Variants in SNAPC1 observed in about 807,000 individuals in gnomAD.
SNAPC1 encodes snRNA-activating protein complex subunit 1.
Under a neutral mutation model 50.1 loss-of-function variants are expected in SNAPC1, and 42 were observed. The ratio of observed to expected loss-of-function variants is 0.84; its 90% CI spans 0.65 to 1.08. The LOEUF (loss-of-function observed/expected upper bound fraction) is 1.08. Ranked by LOEUF, SNAPC1 falls within the 50% of genes least tolerant of loss-of-function variation. The pLI is 0.00. For synonymous variants in SNAPC1, 164 were observed against 144.2 expected (o/e 1.14, Z -0.98); for missense variants, 477 against 427.3 (o/e 1.12, Z -1.02).
chr14:61,762,724 G>T, intron 1 of SNAPC1, 136 bp downstream of exon 1: 1 of 950,728 alleles, frequency 1.1e-6, no homozygotes. Flanking sequence ...ATGACTCCTG[G>T]ACCTTCCCCT....
intron 8 of SNAPC1, among the ~76,000 whole-genome samples, chr14:61,785,038 G>A (rs2045105454): frequency 6.6e-6 from 1 of 152,102 alleles, no homozygotes; most frequent in Non-Finnish European, 1.5e-5. Context: ...AGGTGACCAA[G>A]GCAAAATTAT....
intron 3 of SNAPC1, among the ~76,000 whole-genome samples, chr14:61,767,567 G>T (rs1446833431): frequency 6.8e-6 from 1 of 147,798 alleles, no homozygotes; most frequent in Non-Finnish European, 1.5e-5. Context: ...GGGTTCGAGG[G>T]ATTTTCCTGC....
intron 7 of SNAPC1, among the ~76,000 whole-genome samples, chr14:61,780,679 G>A (rs576462037): frequency 6.6e-6 from 1 of 152,284 alleles, no homozygotes; most frequent in South Asian, 2.1e-4. Context: ...AAGCTCTGTA[G>A]TTTAATTAGG....
intron 4 of SNAPC1, among the ~76,000 whole-genome samples, chr14:61,775,687 A>G (rs1003839086): frequency 6.6e-6 from 1 of 152,240 alleles, no homozygotes; most frequent in Non-Finnish European, 1.5e-5. Flanking sequence ...AGCAGAGCAT[A>G]AAGGACTATG....
intron 1 of SNAPC1, among the ~76,000 whole-genome samples, chr14:61,763,219 C>CT (rs1445118579): frequency 7.4e-6 from 1 of 134,504 alleles, no homozygotes; most frequent in African/African-American, 3.0e-5. Context: ...CCTCGAACTC[C>CT]TGATCTCGTG....
At chr14:61,782,171 C>A in intron 7 of SNAPC1, 76 bp from the exon 8 acceptor site, 1 of 1,096,784 alleles carries the variant, frequency 9.1e-7, no homozygotes, top group Non-Finnish European at 1.3e-6. Context: ...TTTGATTGTA[C>A]ATTTTGTCTT....
chr14:61,780,694 A>G (rs1170923699), intron 7 of SNAPC1, among the ~76,000 whole-genome samples: 2 of 152,082 alleles, frequency 1.3e-5, no homozygotes, highest in African/African-American at 4.8e-5. Flanking sequence ...ATTAGGTCTC[A>G]CTTTTCAATT....
Position 61,782,245 on chromosome 14 carries a change from A to C in SNAPC1, c.826-2A>C, listed in dbSNP as rs2045080529. The C allele has an allele frequency of 6.3e-7, 1 of 1,584,460 alleles. No individual in the cohort carries two copies. Among genetic ancestry groups the C allele is most frequent in the Non-Finnish European group, 8.6e-7 (1 of 1,169,152 alleles). The stretch of plus-strand genomic sequence containing the variant: ...TTGGTTAATTGGATTGTAACTCTTA[A>C]GGCATCCAAATCAAGAAGGCATCGT... On this transcript the variant is annotated splice_acceptor_variant, in intron 7 of 9. Transcript: ENST00000216294. LOFTEE classifies it high-confidence loss of function.
chr14:61,771,501 A>T (rs2044991270), intron 4 of SNAPC1, among the ~76,000 whole-genome samples: 1 of 152,232 alleles, frequency 6.6e-6, no homozygotes, highest in South Asian at 2.1e-4. Flanking sequence ...CTAGCAGCTT[A>T]GTGAGAAAGA....
Position 61,792,892 on chromosome 14 carries a change from G to C in SNAPC1, c.1062G>C (p.Leu354Phe), listed in dbSNP as rs946868665. The change falls in exon 9 of 10, where the codon TTG becomes TTC. Residue 354 changes from leucine to phenylalanine, a missense_variant. By Grantham distance (22) the Leu-to-Phe change is conservative. Coordinates refer to ENST00000216294, the MANE Select transcript of SNAPC1 (RefSeq NM_003082.4). ...VITEEEENES[L>F]SGTEFTASKK... is the part of the protein sequence containing the mutation. ...CAGAAGAAGAAGAGAATGAAAGTTT[G>C]AGTGGAACAGGTACAGATAAAATTT... 1 of 1,591,556 alleles carries C rather than the reference G, an allele frequency of 6.3e-7. No individual in the cohort carries two copies. The highest frequency in any genetic ancestry group is 1.3e-5 in the African/African-American group (1 of 74,314).
intron 8 of SNAPC1, among the ~76,000 whole-genome samples, chr14:61,785,652 G>A (rs1594651012): frequency 1.3e-5 from 2 of 152,308 alleles, no homozygotes; most frequent in Non-Finnish European, 2.9e-5. Flanking sequence ...ATCAATATGT[G>A]TAAGTCGTAC....
At chr14:61,778,186 A>T in intron 6 of SNAPC1, 46 bp downstream of exon 6, 2 of 1,108,442 alleles carry the variant, frequency 1.8e-6, no homozygotes, top group Middle Eastern at 4.0e-4. Context: ...GTGATTCTGT[A>T]TACTGAGCAT....
chr14:61,794,595 A>G (rs896085721), intron 9 of SNAPC1, among the ~76,000 whole-genome samples: 1 of 152,086 alleles, frequency 6.6e-6, no homozygotes, highest in Non-Finnish European at 1.5e-5. Flanking sequence ...ATTTTAGTAG[A>G]GATGGGGTTT....
At chr14:61,767,103 A>G (rs1163530821) in intron 2 of SNAPC1, 68 bp downstream of exon 2, 12 of 1,108,894 alleles carry the variant, frequency 1.1e-5, no homozygotes, top group Non-Finnish European at 1.3e-5. Flanking sequence ...TATAATAAAT[A>G]TTATATGATT....
chr14:61,783,245 G>C (rs367653898), intron 8 of SNAPC1, among the ~76,000 whole-genome samples: 1 of 151,592 alleles, frequency 6.6e-6, no homozygotes, highest in East Asian at 2.0e-4. Flanking sequence ...TGGCCAGGCC[G>C]GTCTTGGACT....
intron 8 of SNAPC1, among the ~76,000 whole-genome samples, chr14:61,784,311 A>G (rs917105755): frequency 2.0e-5 from 3 of 152,214 alleles, no homozygotes; most frequent in Non-Finnish European, 4.4e-5. Flanking sequence ...TCCTAGACAC[A>G]AAAATACCTT....
At position 61,767,320 on chromosome 14, in the gene SNAPC1, A is replaced by G; in HGVS notation, c.397A>G (p.Arg133Gly). 4.0e-6 allele frequency: 6 copies of G among 1,502,472 alleles called. No individual in the cohort carries two copies. Among genetic ancestry groups the G allele is most frequent in the Non-Finnish European group, 5.3e-6 (6 of 1,124,980 alleles). The allele number at this position is 1,502,472 out of a possible 1,614,324, so 93.1% of individuals were successfully genotyped here. ...TATTTTTAGGAAGCTACGACTAGAC[A>G]GAGCATTTCACTTTACAGCAATGCC... is the stretch of plus-strand genomic sequence containing the variant. ...AYIFRKLRLD[R>G]AFHFTAMPKL... Residue 133 changes from arginine to glycine, a missense_variant, in exon 3 of 10, where the codon AGA becomes GGA. Transcript: ENST00000216294.
chr14:61,782,487 A>G (rs1385081596), intron 8 of SNAPC1, 90 bp downstream of exon 8: 3 of 905,324 alleles, frequency 3.3e-6, no homozygotes, highest in Non-Finnish European at 4.9e-6. Context: ...GTTAAGAAGG[A>G]TTAGATACTT....
At chr14:61,772,348 G>T (rs144604521) in intron 4 of SNAPC1, among the ~76,000 whole-genome samples, 1 of 152,194 alleles carries the variant, frequency 6.6e-6, no homozygotes, top group East Asian at 1.9e-4. Context: ...GGGTTCAAGC[G>T]ATTCTCCTGC....
Sources: allele counts gnomAD v4.1 joint callset (sites outside exome capture counted in the v4.1 genomes callset), GRCh38; gene constraint gnomAD v4.1.1; transcripts MANE v1.5; gene names NCBI Gene and HGNC (gene_info 2026-07-23, HGNC 2026-07-21).